Variants in ATP2C1 observed in about 807,000 individuals in gnomAD.
ATP2C1 encodes the protein calcium-transporting ATPase type 2C member 1.
ATP2C1 carries 31 observed loss-of-function variants against 120.5 expected under a neutral mutation model. That is an observed-to-expected ratio of 0.26 (90% confidence interval 0.19 to 0.35). The LOEUF is 0.35. Among genes scored for constraint, ATP2C1 ranks in the 10% least tolerant of loss-of-function variants. ATP2C1 has a pLI of 1.00. For missense variants in ATP2C1, 731 were observed against 1,107.5 expected (o/e 0.66, Z 4.83); for synonymous variants, 351 against 358.7 (o/e 0.98, Z 0.24).
rs1319991586 is a variant in ATP2C1 at position 131,002,555 on chromosome 3, G to A, written c.*1205G>A. On this transcript the variant is annotated 3_prime_UTR_variant, in exon 28 of 28. Coordinates refer to ENST00000510168, the MANE Select transcript of ATP2C1 (RefSeq NM_001378687.1). Reference sequence around the variant, plus strand: ...GTGGATTTTGTGTGTAATGCCATCAGTTTTTATGAAAGCTTGATGAGGTAT... The same window carrying A: ...GTGGATTTTGTGTGTAATGCCATCAATTTTTATGAAAGCTTGATGAGGTAT... 1 of 985,286 alleles carries A rather than the reference G, an allele frequency of 1.0e-6. No homozygotes were observed. The highest frequency in any genetic ancestry group is 1.7e-5 in the African/African-American group (1 of 57,226). The allele number at this position is 985,286 out of a possible 1,614,324, so 61.0% of individuals were successfully genotyped here. A position where few individuals can be genotyped will look rare whatever the true frequency, so the allele number is the denominator to read the frequency against.
At chr3:130,973,207 A>G (rs1317285997) in intron 17 of ATP2C1, among the ~76,000 whole-genome samples, 1 of 152,192 alleles carries the variant, frequency 6.6e-6, no homozygotes, top group Non-Finnish European at 1.5e-5. Flanking sequence ...TTCCAGAATG[A>G]AAAGACTTTA....
chr3:130,896,794 A>G (rs2069670754), intron 2 of ATP2C1, among the ~76,000 whole-genome samples: 1 of 152,180 alleles, frequency 6.6e-6, no homozygotes, highest in African/African-American at 2.4e-5. Flanking sequence ...AACTCACAGA[A>G]TTGAGAGGAT....
intron 17 of ATP2C1, among the ~76,000 whole-genome samples, chr3:130,970,931 C>T (rs1200649635): frequency 1.3e-5 from 2 of 151,310 alleles, no homozygotes; most frequent in East Asian, 3.9e-4. Context: ...TTCATGAGGG[C>T]CAAAAAAAAG....
rs2068713415 is a variant in ATP2C1, at chr3:130,879,447, A to AT, written c.108+28523dup. 3.3e-5 allele frequency among the ~76,000 whole-genome samples: 5 copies of AT among 151,514 alleles called. No individual in the cohort carries two copies. The South Asian group carries it at 1.0e-3, about 32-fold the overall frequency. ...ATTCAGATCCTGAATTGTTTTCTTGATTTTATTGTATTGTTTATCTGTATT... is the reference window on the plus strand; with the variant it reads ...ATTCAGATCCTGAATTGTTTTCTTGATTTTTATTGTATTGTTTATCTGTATT... On this transcript the variant is annotated intron_variant, in intron 1 of 26. Coordinates refer to the ATP2C1 transcript ENST00000504381.
chr3:130,920,814 G>A (rs182278919), intron 2 of ATP2C1, among the ~76,000 whole-genome samples: 1 of 152,100 alleles, frequency 6.6e-6, no homozygotes, highest in Non-Finnish European at 1.5e-5. Flanking sequence ...GTGAGCATAG[G>A]TGTTTCTGTT....
intron 12 of ATP2C1, among the ~76,000 whole-genome samples, chr3:130,960,726 G>T (rs1029340552): frequency 6.6e-6 from 1 of 152,112 alleles, no homozygotes; most frequent in African/African-American, 2.4e-5. Context: ...AACAAATTAG[G>T]GGGGCAATTG....
At chr3:131,012,668 A>G (rs1416151196) in intron 26 of ATP2C1, among the ~76,000 whole-genome samples, 1 of 152,124 alleles carries the variant, frequency 6.6e-6, no homozygotes, top group Admixed American at 6.5e-5. Flanking sequence ...GGGAGTAACC[A>G]TCTCTTTGGA....
In ATP2C1 at chr3:130,894,660, T is replaced by G; in HGVS notation, c.-110T>G. ...GGGAGCGGGGGTGACAGCCTGGGAT[T>G]CCGGGGGCTTCTCTTCCTTGTCCTC... On this transcript the variant is annotated 5_prime_UTR_variant, in exon 2 of 28. In the 5' UTR this introduces an upstream ATG that the reference lacks. Coordinates refer to ENST00000510168, the MANE Select transcript of ATP2C1 (RefSeq NM_001378687.1). This position sits in a 1 kb window ranked among gnomAD's most constrained non-coding sequence, Gnocchi z 4.5. 1 of 1,609,912 alleles carries G rather than the reference T, an allele frequency of 6.2e-7. No individual in the cohort carries two copies. Among genetic ancestry groups the G allele is most frequent in the Non-Finnish European group, 8.5e-7 (1 of 1,177,352 alleles).
intron 11 of ATP2C1, among the ~76,000 whole-genome samples, chr3:130,956,614 A>G (rs537355455): frequency 6.6e-6 from 1 of 151,674 alleles, no homozygotes; most frequent in South Asian, 2.1e-4. Context: ...TTTTTTGGTC[A>G]TATAAATACT....
intron 7 of ATP2C1, among the ~76,000 whole-genome samples, chr3:130,941,242 G>GTGTGTGTGTGTGTC (rs2059894259): frequency 6.8e-6 from 1 of 147,626 alleles, no homozygotes; most frequent in African/African-American, 2.6e-5. Context: ...GTGTGTGTGT[G>GTGTGTGTGTGTGTC]TGTGTGTGTG....
At chr3:130,879,829 G>A (rs1377234601) in intron 1 of ATP2C1, among the ~76,000 whole-genome samples, 1 of 152,208 alleles carries the variant, frequency 6.6e-6, no homozygotes, top group East Asian at 1.9e-4. Flanking sequence ...GTGTCTGCAA[G>A]TTCCTCAGTG....
At chr3:131,012,486 G>A (rs1383225074) in intron 26 of ATP2C1, among the ~76,000 whole-genome samples, 2 of 152,008 alleles carry the variant, frequency 1.3e-5, no homozygotes, top group Non-Finnish European at 2.9e-5. Flanking sequence ...TTGAACTCCT[G>A]ACCTCAAATG....
At chr3:130,939,720 A>G (rs1008893066) in intron 6 of ATP2C1, among the ~76,000 whole-genome samples, 9 of 152,046 alleles carry the variant, frequency 5.9e-5, no homozygotes, top group African/African-American at 9.7e-5. Context: ...TTTTCCTTAT[A>G]TTTGTCACTC....
At chr3:130,850,836 C>A in exon 1 of ATP2C1, 2 of 1,453,952 alleles carry the variant, frequency 1.4e-6, no homozygotes, top group Admixed American at 2.3e-5. Context: ...TAGTCTGTTG[C>A]CTCCATCTAG....
chr3:130,854,876 A>G (rs1329473163), intron 1 of ATP2C1, among the ~76,000 whole-genome samples: 15 of 152,156 alleles, frequency 9.9e-5, no homozygotes, highest in Non-Finnish European at 7.3e-5. Context: ...CTTGCATCCA[A>G]TCATCTACTT....
intron 5 of ATP2C1, among the ~76,000 whole-genome samples, chr3:130,936,032 C>T (rs893675395): frequency 1.3e-5 from 2 of 151,942 alleles, no homozygotes; most frequent in African/African-American, 4.8e-5. Flanking sequence ...ATTAAATGAG[C>T]GAATCAGACC....
chr3:130,858,915 G>A (rs554070832), intron 1 of ATP2C1, among the ~76,000 whole-genome samples: 2 of 152,206 alleles, frequency 1.3e-5, no homozygotes, highest in East Asian at 1.9e-4. Flanking sequence ...ATGACCAATG[G>A]GTAGAATTGC....
At chr3:130,991,355 TC>T (rs1345622262) in intron 20 of ATP2C1, among the ~76,000 whole-genome samples, 19 of 152,098 alleles carry the variant, frequency 1.2e-4, no homozygotes, top group Admixed American at 1.2e-3. Flanking sequence ...TCTTTGAAAG[TC>T]ATGAATCGTG....
At chr3:130,949,652 G>A (rs1328363045) in intron 8 of ATP2C1, among the ~76,000 whole-genome samples, 6 of 152,110 alleles carry the variant, frequency 3.9e-5, no homozygotes, top group Non-Finnish European at 8.8e-5. Flanking sequence ...CTGTATACTC[G>A]AATCAGAAAG....
Sources: gnomAD v4.1 joint callset for allele counts (sites outside exome capture counted in the v4.1 genomes callset) on GRCh38, gnomAD v4.1.1 for gene constraint, Gnocchi (gnomAD v3.1) non-coding constraint, MANE v1.5 for transcripts, NCBI Gene and HGNC (gene_info 2026-07-23, HGNC 2026-07-21) for gene names.